The following RAPGEF4 variants were observed in gnomAD, a reference collection of about 807,000 sequenced individuals.
RAPGEF4 encodes the protein RAP guanine-nucleotide-exchange factor (GEF) 4.
In RAPGEF4, 66 loss-of-function variants were observed where a neutral mutation model predicts 147.9. The ratio of observed to expected loss-of-function variants is 0.45; its 90% CI spans 0.37 to 0.55. The LOEUF is 0.55. Among genes scored for constraint, RAPGEF4 ranks in the 20% least tolerant of loss-of-function variants. RAPGEF4 has a pLI of 0.00. For missense variants in RAPGEF4, 1,071 were observed against 1,257.3 expected (o/e 0.85, Z 2.24); for synonymous variants, 419 against 442.7 (o/e 0.95, Z 0.67).
At chr2:172,855,363 A>C (rs1575049850) in intron 4 of RAPGEF4, among the ~76,000 whole-genome samples, 1 of 152,164 alleles carries the variant, frequency 6.6e-6, no homozygotes, top group African/African-American at 2.4e-5. Flanking sequence ...GTTATTGTTG[A>C]TGATATTATA....
chr2:172,901,437 T>C (rs1206584012), intron 4 of RAPGEF4, among the ~76,000 whole-genome samples: 1 of 152,240 alleles, frequency 6.6e-6, no homozygotes, highest in Admixed American at 6.5e-5. Flanking sequence ...GTACATCATA[T>C]GATTTTAAAT....
chr2:173,048,768 C>G, intron 30 of RAPGEF4, 114 bp downstream of exon 30: 5 of 1,517,114 alleles, frequency 3.3e-6, no homozygotes, highest in Non-Finnish European at 3.5e-6. Flanking sequence ...GTCAGAGACA[C>G]TTTGGACCAT....
chr2:172,841,222 G>T (rs933083168), intron 4 of RAPGEF4, among the ~76,000 whole-genome samples: 1 of 152,204 alleles, frequency 6.6e-6, no homozygotes, highest in African/African-American at 2.4e-5. Context: ...AAGTGAGTGA[G>T]TTCTCGCTCT....
chr2:172,936,330 G>A (rs141628075), intron 6 of RAPGEF4, among the ~76,000 whole-genome samples: 15 of 152,210 alleles, frequency 9.9e-5, no homozygotes, highest in African/African-American at 3.4e-4. Flanking sequence ...TTGAGCCACT[G>A]TACTCCAGCC....
chr2:172,971,493 G>T (rs765763285), intron 10 of RAPGEF4, among the ~76,000 whole-genome samples: 1 of 152,062 alleles, frequency 6.6e-6, no homozygotes, highest in Non-Finnish European at 1.5e-5. Flanking sequence ...TAGAAGTTGG[G>T]GAATCTTCCA....
At chr2:172,858,600 T>C (rs1008059041) in intron 4 of RAPGEF4, among the ~76,000 whole-genome samples, 1 of 152,256 alleles carries the variant, frequency 6.6e-6, no homozygotes, top group Non-Finnish European at 1.5e-5. Context: ...ATGATAAAGA[T>C]TTGGCTTTCA....
At chr2:173,018,880 G>A (rs1024461084) in intron 22 of RAPGEF4, 78 bp downstream of exon 22, 18 of 1,500,716 alleles carry the variant, frequency 1.2e-5, no homozygotes, top group Admixed American at 1.8e-5. Flanking sequence ...AGGAGTTAGC[G>A]TGGTCATGTG....
chr2:172,849,081 T>G (rs1246220124), intron 4 of RAPGEF4, among the ~76,000 whole-genome samples: 1 of 152,004 alleles, frequency 6.6e-6, no homozygotes, highest in Non-Finnish European at 1.5e-5. Flanking sequence ...TTTCTTTTTT[T>G]TTTTTTTAGC....
rs1692152962 is a variant in RAPGEF4 at position 172,985,468 on chromosome 2, G to A, written c.1125G>A (p.Glu375=). ...KRELAGVLIF[E]SHAKGGTVLF... is the part of the protein sequence containing the mutation. The stretch of plus-strand genomic sequence containing the variant: ...AGTTAGCAGGTGTTCTCATTTTTGA[G>A]TCTCACGCCAAAGGAGGGACTGTGT... Residue 375 remains glutamate (E), a synonymous_variant, in exon 12 of 31, where the codon GAG becomes GAA. Coordinates refer to ENST00000397081, the MANE Select transcript of RAPGEF4 (RefSeq NM_007023.4). The A allele has an allele frequency of 6.2e-7, 1 of 1,613,820 alleles. No individual in the cohort carries two copies.
At chr2:172,940,672 A>G (rs1182068017) in intron 6 of RAPGEF4, among the ~76,000 whole-genome samples, 1 of 152,180 alleles carries the variant, frequency 6.6e-6, no homozygotes, top group Non-Finnish European at 1.5e-5. Context: ...ATTTCTTTAT[A>G]GCAATGCAAG....
intron 4 of RAPGEF4, among the ~76,000 whole-genome samples, chr2:172,898,058 G>A (rs904085035): frequency 1.6e-4 from 25 of 152,112 alleles, no homozygotes; most frequent in Admixed American, 1.3e-4. Flanking sequence ...TGGGGACTCC[G>A]GGGTGGCAAT....
intron 6 of RAPGEF4, among the ~76,000 whole-genome samples, chr2:172,957,129 A>T (rs1005500660): frequency 6.6e-6 from 1 of 152,220 alleles, no homozygotes. Context: ...AGCTGTCTCC[A>T]TAAACAATGG....
At chr2:172,887,294 T>C (rs1384341725) in intron 4 of RAPGEF4, among the ~76,000 whole-genome samples, 1 of 151,914 alleles carries the variant, frequency 6.6e-6, no homozygotes, top group Non-Finnish European at 1.5e-5. Context: ...GGTATGAAAA[T>C]ATCCATATTC....
At chr2:172,773,349 A>G (rs534228728) in intron 1 of RAPGEF4, among the ~76,000 whole-genome samples, 1 of 152,368 alleles carries the variant, frequency 6.6e-6, no homozygotes, top group East Asian at 1.9e-4. Context: ...GTTCTTGGAC[A>G]GCACTGTAAT....
chr2:172,881,291 C>T (rs564528152), intron 4 of RAPGEF4, among the ~76,000 whole-genome samples: 39 of 152,236 alleles, frequency 2.6e-4, no homozygotes, highest in African/African-American at 9.1e-4. Flanking sequence ...AATCAGACTA[C>T]CAAGTATGTT....
intron 9 of RAPGEF4, among the ~76,000 whole-genome samples, chr2:172,966,244 G>A (rs1026331341): frequency 6.6e-6 from 1 of 152,138 alleles, no homozygotes; most frequent in Admixed American, 6.5e-5. Context: ...GTGTAACTCT[G>A]GCCAAACTCT....
chr2:172,996,545 G>T lies in RAPGEF4; in HGVS notation c.1570G>T (p.Glu524Ter). The change falls in exon 16 of 31, where the codon GAA becomes TAA. Residue 524 changes from glutamate to a stop codon, truncating the protein, a stop_gained. Coordinates refer to ENST00000397081, the MANE Select transcript of RAPGEF4 (RefSeq NM_007023.4). LOFTEE classifies it high-confidence loss of function. ...AATACGCCTTGAGGCAACTTTAAAT[G>T]AAGCAACAGGTATACACATAGAACC... is the stretch of plus-strand genomic sequence containing the variant. ...ETIRLEATLN[E>*]ATDSVLNDFI... The T allele has an allele frequency of 6.4e-7, 1 of 1,569,812 alleles. No homozygotes were observed. Among genetic ancestry groups the T allele is most frequent in the South Asian group, 1.2e-5 (1 of 83,364 alleles).
At chr2:172,932,373 C>A (rs909411717) in intron 6 of RAPGEF4, among the ~76,000 whole-genome samples, 1 of 152,118 alleles carries the variant, frequency 6.6e-6, no homozygotes, top group Non-Finnish European at 1.5e-5. Flanking sequence ...GAGTTCCAGT[C>A]CTGTAAGTTA....
intron 4 of RAPGEF4, among the ~76,000 whole-genome samples, chr2:172,817,161 A>G (rs16860911): frequency 0.11 from 17,415 of 152,282 alleles, 1,041 homozygotes; most frequent in South Asian, 0.18. Context: ...GTATGTGGAT[A>G]TAGTCAGATG....
Sources: allele counts gnomAD v4.1 joint callset (sites outside exome capture counted in the v4.1 genomes callset), GRCh38; gene constraint gnomAD v4.1.1; transcripts MANE v1.5; gene names NCBI Gene and HGNC (gene_info 2026-07-23, HGNC 2026-07-21).